The following GFRA4 variants were observed in gnomAD, a reference collection of about 807,000 sequenced individuals.
GFRA4 encodes the protein GDNF family receptor alpha 4.
GFRA4 carries 31 observed loss-of-function variants against 28.5 expected under a neutral mutation model. The observed-to-expected ratio is 1.09, with a 90% confidence interval of 0.82 to 1.47. The LOEUF is 1.47. Ranked by LOEUF, GFRA4 falls within the 40% of genes most tolerant of loss-of-function variation. GFRA4 has a pLI of 0.00. For synonymous variants in GFRA4, 188 were observed against 188.0 expected (o/e 1.00, Z 0.00); for missense variants, 389 against 413.2 (o/e 0.94, Z 0.51).
In GFRA4 at chr20:3,660,785, G is replaced by T. The variant is rs1292905251; in HGVS notation, c.472C>A (p.Arg158Ser). The T allele has an allele frequency of 4.2e-6, 6 of 1,416,212 alleles. No individual in the cohort carries two copies. The highest frequency in any genetic ancestry group is 2.8e-5 in the East Asian group (1 of 35,302). The allele number at this position is 1,416,212 out of a possible 1,614,324, so 87.7% of individuals were successfully genotyped here. A position where few individuals can be genotyped will look rare whatever the true frequency, so the allele number is the denominator to read the frequency against. The change falls in exon 3 of 6, where the codon CGC (arginine) becomes AGC (serine). Residue 158 changes from arginine (R) to serine (S), a missense_variant. Coordinates refer to ENST00000290417, the MANE Select transcript of GFRA4 (RefSeq NM_022139.4). ...PDGCLLDQGARCLRAYAGLVG... is the reference protein window; with the variant it reads ...PDGCLLDQGASCLRAYAGLVG... ...AGGCCCGCGTAGGCGCGCAGGCAGCGGGCGCCCTGGTCCAGCAGGCAGCCG... is the reference window on the plus strand; with the variant it reads ...AGGCCCGCGTAGGCGCGCAGGCAGCTGGCGCCCTGGTCCAGCAGGCAGCCG...
In GFRA4 at chr20:3,661,043, C is replaced by T. The variant is rs1364604117; in HGVS notation, c.293G>A (p.Arg98His). Residue 98 changes from arginine to histidine, a missense_variant, in exon 2 of 6, where the codon CGC becomes CAC. Coordinates refer to ENST00000290417, the MANE Select transcript of GFRA4 (RefSeq NM_022139.4). ...GGCGCAGGAGGGCACGAAGGTCTGGCGCCGACGCTCGGCGCACGCGGGGCC... is the reference window on the plus strand; with the variant it reads ...GGCGCAGGAGGGCACGAAGGTCTGGTGCCGACGCTCGGCGCACGCGGGGCC... ...CAGPACAERR[R>H]QTFVPSCAFS... 2.1e-6 allele frequency: 3 copies of T among 1,457,812 alleles called. No homozygotes were observed. The Admixed American group carries it at 7.8e-5, about 38-fold the overall frequency. The allele number at this position is 1,457,812 out of a possible 1,614,324, so 90.3% of individuals were successfully genotyped here. A position where few individuals can be genotyped will look rare whatever the true frequency, so the allele number is the denominator to read the frequency against.
chr20:3,661,047 G>GA lies in GFRA4; in HGVS notation c.288dup (p.Arg97SerfsTer23). 6.9e-7 allele frequency: 1 copy of GA among 1,457,158 alleles called. No individual in the cohort carries two copies. Among genetic ancestry groups the GA allele is most frequent in the Non-Finnish European group, 9.0e-7 (1 of 1,111,582 alleles). 90.3% of individuals were successfully genotyped at this position (1,457,158 alleles called of 1,614,324 possible). ...CAGGAGGGCACGAAGGTCTGGCGCC[G>GA]ACGCTCGGCGCACGCGGGGCCCGCG... On this transcript the variant is annotated frameshift_variant, in exon 2 of 6. Coordinates refer to ENST00000290417, the MANE Select transcript of GFRA4 (RefSeq NM_022139.4). LOFTEE classifies it high-confidence loss of function.
In GFRA4 at chr20:3,660,727, C is replaced by G. The variant is rs763750211; in HGVS notation, c.502+28G>C. 4.8e-6 allele frequency: 7 copies of G among 1,450,020 alleles called. No individual in the cohort carries two copies. The Admixed American group carries it at 1.8e-4, about 37-fold the overall frequency. 89.8% of individuals were successfully genotyped at this position (1,450,020 alleles called of 1,614,324 possible). ...GGAGATATCCCCTGGAGAACCCCCG[C>G]CCTCGCCCGGATCCCGGCCGCGCGT... On this transcript the variant is annotated intron_variant, in intron 3 of 5. Coordinates refer to ENST00000290417, the MANE Select transcript of GFRA4 (RefSeq NM_022139.4).
rs6084431 is a variant in GFRA4, at chr20:3,661,234, C to A, written c.102G>T (p.Thr34=). ...GCAAACGCTGGCACCGCGCGTCCGC[C>A]GTGCAGGCTTCGGCCGCGTCCACAC... The part of the protein sequence containing the change: ...NRCVDAAEAC[T]ADARCQRLRS... The change falls in exon 2 of 6, where the codon ACG becomes ACT. Residue 34 remains threonine (T), a synonymous_variant. Transcript: ENST00000290417. 1.1e-5 allele frequency: 16 copies of A among 1,501,488 alleles called. No individual in the cohort carries two copies. The highest frequency in any genetic ancestry group is 1.1e-5 in the Non-Finnish European group (12 of 1,131,400). The allele number at this position is 1,501,488 out of a possible 1,614,324, so 93.0% of individuals were successfully genotyped here. A position where few individuals can be genotyped will look rare whatever the true frequency, so the allele number is the denominator to read the frequency against.
At chr20:3,662,665 G>GA (rs1300820974) in intron 1 of GFRA4, among the ~76,000 whole-genome samples, 3 of 151,976 alleles carry the variant, frequency 2.0e-5, no homozygotes, top group Non-Finnish European at 2.9e-5. Context: ...TGGCAGCGGG[G>GA]TGAGTCCTCC....
rs75086211 is a variant in GFRA4 at position 3,660,981 on chromosome 20, C to T, written c.355G>A (p.Glu119Lys). Residue 119 changes from glutamate to lysine, a missense_variant, in exon 2 of 6, where the codon GAG (glutamate) becomes AAG (lysine). Physicochemically the swap from Glu to Lys is moderately conservative, Grantham distance 56. Coordinates refer to ENST00000290417, the MANE Select transcript of GFRA4 (RefSeq NM_022139.4). ...CTGCGCTCGCAGAAGTTTAAGGGCT[C>T]AAGGCAGGAGGGCGGCGCGGGGCCG... ...GPGPAPPSCL[E>K]PLNFCERSRV... The T allele has an allele frequency of 9.5e-5, 138 of 1,452,638 alleles. No individual in the cohort carries two copies. The highest frequency in any genetic ancestry group is 1.2e-4 in the Non-Finnish European group (129 of 1,110,240). The allele number at this position is 1,452,638 out of a possible 1,614,324, so 90.0% of individuals were successfully genotyped here.
rs1274272602 is a variant in GFRA4 at position 3,660,051 on chromosome 20, C to T, written c.730-62G>A. 8.6e-6 allele frequency: 13 copies of T among 1,513,016 alleles called. No individual in the cohort carries two copies. In the East Asian group the frequency reaches 2.7e-4, roughly 31 times the overall value. The allele number at this position is 1,513,016 out of a possible 1,614,324, so 93.7% of individuals were successfully genotyped here. ...AGCCTGTCTCTGCCCTCTGCCTGCA[C>T]CCCCACCCCAGGCCCTTCATGCCTC... is the stretch of plus-strand genomic sequence containing the variant. On this transcript the variant is annotated intron_variant, in intron 5 of 5. Coordinates refer to ENST00000290417, the MANE Select transcript of GFRA4 (RefSeq NM_022139.4).
At chr20:3,661,672 T>A (rs2087226917) in intron 1 of GFRA4, among the ~76,000 whole-genome samples, 1 of 152,202 alleles carries the variant, frequency 6.6e-6, no homozygotes, top group Admixed American at 6.5e-5. Context: ...TTTCTGGGGA[T>A]CTGGCCAATG....
At position 3,659,964 on chromosome 20, in the gene GFRA4, T is replaced by C; in HGVS notation, c.755A>G (p.Glu252Gly). ...LQVSSTGRAL[E>G]RRSLLSILPV... ...AAGTATGGAGAGCAGGGAGCGTCTC[T>C]CCAGGGCCCTGCCTGTGGAGGACAC... Residue 252 changes from glutamate to glycine, a missense_variant, in exon 6 of 6, where the codon GAG (glutamate) becomes GGG (glycine). Glu to Gly is a moderately conservative substitution (Grantham distance 98). Transcript: ENST00000290417. 1.3e-6 allele frequency: 2 copies of C among 1,589,426 alleles called. No homozygotes were observed. Among genetic ancestry groups the C allele is most frequent in the Admixed American group, 1.8e-5 (1 of 55,744 alleles).
rs1289164648 is a variant in GFRA4 at position 3,661,019 on chromosome 20, G to A, written c.317C>T (p.Ala106Val). 1 of 1,465,948 alleles carries A rather than the reference G, an allele frequency of 6.8e-7. No individual in the cohort carries two copies. The highest frequency in any genetic ancestry group is 9.0e-7 in the Non-Finnish European group (1 of 1,116,440). The allele number at this position is 1,465,948 out of a possible 1,614,324, so 90.8% of individuals were successfully genotyped here. ...RRRQTFVPSC[A>V]FSGPGPAPPS... ...CGGCGCGGGGCCGGGCCCCGAAAAG[G>A]CGCAGGAGGGCACGAAGGTCTGGCG... Residue 106 changes from alanine to valine, a missense_variant, in exon 2 of 6, where the codon GCC (alanine) becomes GTC (valine). By Grantham distance (64) the Ala-to-Val change is moderately conservative. Transcript: ENST00000290417.
At chr20:3,662,426 G>T (rs771534755) in intron 1 of GFRA4, among the ~76,000 whole-genome samples, 1 of 152,202 alleles carries the variant, frequency 6.6e-6, no homozygotes, top group Non-Finnish European at 1.5e-5. Flanking sequence ...GACGTGCACA[G>T]CCTGGCCCCT....
In GFRA4 at chr20:3,660,735, C is replaced by T. The variant is rs1003233187; in HGVS notation, c.502+20G>A. 2.1e-6 allele frequency: 3 copies of T among 1,438,102 alleles called. No individual in the cohort carries two copies. The highest frequency in any genetic ancestry group is 2.7e-6 in the Non-Finnish European group (3 of 1,100,744). 89.1% of individuals were successfully genotyped at this position (1,438,102 alleles called of 1,614,324 possible). On this transcript the variant is annotated intron_variant, in intron 3 of 5. Transcript: ENST00000290417. ...CCCCTGGAGAACCCCCGCCCTCGCC[C>T]GGATCCCGGCCGCGCGTACCCACGA...
Position 3,660,780 on chromosome 20 carries a change from G to A in GFRA4, c.477C>T (p.Cys159=). The A allele has an allele frequency of 7.1e-7, 1 of 1,414,332 alleles. No homozygotes were observed. The highest frequency in any genetic ancestry group is 9.1e-7 in the Non-Finnish European group (1 of 1,094,382). 87.6% of individuals were successfully genotyped at this position (1,414,332 alleles called of 1,614,324 possible). ...CCACGAGGCCCGCGTAGGCGCGCAG[G>A]CAGCGGGCGCCCTGGTCCAGCAGGC... ...DGCLLDQGAR[C]LRAYAGLVGT... is the part of the protein sequence containing the mutation. The change falls in exon 3 of 6, where the codon TGC becomes TGT. Residue 159 remains cysteine, a synonymous_variant. Coordinates refer to ENST00000290417, the MANE Select transcript of GFRA4 (RefSeq NM_022139.4).
intron 1 of GFRA4, among the ~76,000 whole-genome samples, chr20:3,662,434 C>G (rs2087233281): frequency 6.6e-6 from 1 of 152,186 alleles, no homozygotes; most frequent in South Asian, 2.1e-4. Context: ...CAGCCTGGCC[C>G]CTCATCCATC....
chr20:3,659,850 G>T lies in GFRA4; in HGVS notation c.*59C>A. ...TCTCAAGGGGCCAGTAGGCCACAGA[G>T]GCGGCCCAGGCAGGCAGGGTGGAGT... is the stretch of plus-strand genomic sequence containing the variant. On this transcript the variant is annotated 3_prime_UTR_variant, in exon 6 of 6. Transcript: ENST00000290417. 6.7e-7 allele frequency: 1 copy of T among 1,489,682 alleles called. No individual in the cohort carries two copies. Among genetic ancestry groups the T allele is most frequent in the Non-Finnish European group, 9.2e-7 (1 of 1,090,518 alleles). 92.3% of individuals were successfully genotyped at this position (1,489,682 alleles called of 1,614,324 possible).
intron 1 of GFRA4, 97 bp downstream of exon 1, chr20:3,663,257 A>G (rs2087241935): frequency 1.4e-6 from 2 of 1,446,134 alleles, no homozygotes; most frequent in East Asian, 4.8e-5. Flanking sequence ...CCTGTGGTTC[A>G]GCTTTTCCTG....
intron 2 of GFRA4, 24 bp downstream of exon 2, chr20:3,660,920 G>C (rs1045991815): frequency 5.1e-6 from 7 of 1,378,994 alleles, no homozygotes; most frequent in Non-Finnish European, 6.5e-6. Context: ...CCCTCGCCAC[G>C]GCCCCGCCGC....
At position 3,659,805 on chromosome 20, in the gene GFRA4, TG is replaced by T; in HGVS notation, c.*103del. ...CGGAGTGAAAGCACCAGGGCCGGCT[TG>T]GGGGGTAAGCCAGCCCCTTCTCAAG... On this transcript the variant is annotated 3_prime_UTR_variant, in exon 6 of 6. Transcript: ENST00000290417. The T allele has an allele frequency of 7.2e-6, 8 of 1,112,312 alleles. No individual in the cohort carries two copies. Among genetic ancestry groups the T allele is most frequent in the African/African-American group, 1.6e-5 (1 of 64,042 alleles). 68.9% of individuals were successfully genotyped at this position (1,112,312 alleles called of 1,614,324 possible).
chr20:3,660,347 G>T, intron 4 of GFRA4, 98 bp from the exon 5 acceptor site: 1 of 1,146,314 alleles, frequency 8.7e-7, no homozygotes, highest in Non-Finnish European at 1.2e-6. Context: ...GCAAAGACTG[G>T]CTCCTTGGAC....
Sources: allele counts gnomAD v4.1 joint callset (sites outside exome capture counted in the v4.1 genomes callset), GRCh38; gene constraint gnomAD v4.1.1; transcripts MANE v1.5; gene names NCBI Gene and HGNC (gene_info 2026-07-23, HGNC 2026-07-21).